Variants in ZNF778 observed in about 807,000 individuals in gnomAD.
The protein encoded by ZNF778 is zinc finger protein 778.
In ZNF778, 37 loss-of-function variants were observed where a neutral mutation model predicts 23.9. The observed-to-expected ratio is 1.54, with a 90% CI of 1.19 to 2.03. ZNF778 has a LOEUF of 2.03. Among genes scored for constraint, ZNF778 ranks in the 30% most tolerant of loss-of-function variants. The probability of loss-of-function intolerance (pLI) is 0.00; values close to 1 mark genes in which losing one functional copy is unlikely to be tolerated. For missense variants in ZNF778, 1,297 were observed against 934.4 expected (o/e 1.39, Z -5.06); for synonymous variants, 483 against 343.9 (o/e 1.40, Z -4.48).
At position 89,226,687 on chromosome 16, in the gene ZNF778, C is replaced by A; in HGVS notation, c.406-7C>A. 6.2e-7 allele frequency: 1 copy of A among 1,602,962 alleles called. No homozygotes were observed. Among genetic ancestry groups the A allele is most frequent in the Non-Finnish European group, 8.5e-7 (1 of 1,173,014 alleles). ...CCCCCTGACCACCACTCATTCTTCA[C>A]CAACAGGCAAGAAGCCACAATGGAG... On this transcript the variant is annotated splice_region_variant and splice_polypyrimidine_tract_variant and intron_variant, in intron 6 of 6. Coordinates refer to ENST00000433976, the MANE Select transcript of ZNF778 (RefSeq NM_001201407.2).
At position 89,228,686 on chromosome 16, in the gene ZNF778, C is replaced by A; in HGVS notation, c.*124C>A. The A allele has an allele frequency of 6.8e-7, 1 of 1,476,736 alleles. No individual in the cohort carries two copies. Among genetic ancestry groups the A allele is most frequent in the African/African-American group, 1.4e-5 (1 of 70,914 alleles). The allele number at this position is 1,476,736 out of a possible 1,614,324, so 91.5% of individuals were successfully genotyped here. The stretch of plus-strand genomic sequence containing the variant: ...AGGCAATCAGCATCTCATCACAACC[C>A]GGCAGGCAGGAACTCACCCTGGAGC... On this transcript the variant is annotated 3_prime_UTR_variant, in exon 7 of 7. Coordinates refer to ENST00000433976, the MANE Select transcript of ZNF778 (RefSeq NM_001201407.2).
chr16:89,233,963 G>C lies in ZNF778; in HGVS notation c.*5401G>C, dbSNP rs1272576334. 1 of 1,270,412 alleles carries C rather than the reference G, an allele frequency of 7.9e-7. No individual in the cohort carries two copies. The highest frequency in any genetic ancestry group is 2.3e-5 in the Admixed American group (1 of 43,532). The allele number at this position is 1,270,412 out of a possible 1,614,324, so 78.7% of individuals were successfully genotyped here. A position where few individuals can be genotyped will look rare whatever the true frequency, so the allele number is the denominator to read the frequency against. ...CCCTTGGGCCTGCTGGAAGTATGCA[G>C]ACTAGCCAGCCCCAGACTTCATCCT... is the stretch of plus-strand genomic sequence containing the variant. On this transcript the variant is annotated 3_prime_UTR_variant, in exon 7 of 7. Transcript: ENST00000433976.
intron 2 of ZNF778, among the ~76,000 whole-genome samples, chr16:89,221,856 C>T (rs1271964150): frequency 7.2e-6 from 1 of 139,168 alleles, no homozygotes; most frequent in Non-Finnish European, 1.6e-5. Flanking sequence ...AAGTGTATGG[C>T]TGTGTGTGTG....
Position 89,227,942 on chromosome 16 carries a change from G to A in ZNF778, c.1654G>A (p.Val552Met). The A allele has an allele frequency of 6.3e-7, 1 of 1,589,934 alleles. No homozygotes were observed. Among genetic ancestry groups the A allele is most frequent in the Non-Finnish European group, 8.6e-7 (1 of 1,165,192 alleles). ...TAGGGTTTATCTACTGAATGAGCATGTGAAAACTCACACAGAGGAGAAGCC... is the reference window on the plus strand; with the variant it reads ...TAGGGTTTATCTACTGAATGAGCATATGAAAACTCACACAGAGGAGAAGCC... The part of the protein sequence containing the change: ...YNRVYLLNEH[V>M]KTHTEEKPFI... Residue 552 changes from valine (V) to methionine (M), a missense_variant, in exon 7 of 7, where the codon GTG (valine) becomes ATG (methionine). Physicochemically the swap from Val to Met is conservative, Grantham distance 21 (BLOSUM62 1). Transcript: ENST00000433976.
Position 89,227,684 on chromosome 16 carries a change from G to A in ZNF778, c.1396G>A (p.Glu466Lys), listed in dbSNP as rs751309288. The stretch of plus-strand genomic sequence containing the variant: ...CTTCTGTACATCCTCGGGCCTTACT[G>A]AGCATGTAAGGACTCACACTGGAGA... ...KAFCTSSGLT[E>K]HVRTHTGEKP... The change falls in exon 7 of 7, where the codon GAG becomes AAG. Residue 466 changes from glutamate (E) to lysine (K), a missense_variant. Transcript: ENST00000433976. 1 of 1,614,160 alleles carries A rather than the reference G, an allele frequency of 6.2e-7. No homozygotes were observed.
intron 4 of ZNF778, 145 bp downstream of exon 4, chr16:89,223,428 G>A (rs148590072): frequency 8.6e-7 from 1 of 1,163,374 alleles, no homozygotes; most frequent in Non-Finnish European, 1.2e-6. Context: ...GTGCTAGTGT[G>A]GTCGTTTCCA....
rs374271148 is a variant in ZNF778, at chr16:89,232,641, T to C, written c.*4079T>C. On this transcript the variant is annotated 3_prime_UTR_variant, in exon 7 of 7. Coordinates refer to ENST00000433976, the MANE Select transcript of ZNF778 (RefSeq NM_001201407.2). ...ATTAAAGGACCAATTGTATTAATTATGTTTTTTTTTTTTTTGTTAGGGTAC... is the reference window on the plus strand; with the variant it reads ...ATTAAAGGACCAATTGTATTAATTACGTTTTTTTTTTTTTTGTTAGGGTAC... 22 of 1,049,756 alleles carry C rather than the reference T, an allele frequency of 2.1e-5. No individual in the cohort carries two copies. Among genetic ancestry groups the C allele is most frequent in the Admixed American group, 6.9e-5 (1 of 14,472 alleles). 65.0% of individuals were successfully genotyped at this position (1,049,756 alleles called of 1,614,324 possible).
Position 89,227,256 on chromosome 16 carries a change from G to C in ZNF778, c.968G>C (p.Ser323Thr), listed in dbSNP as rs761704773. ...ECGKASPVSS[S>T]LTQHVRIHAA... ...GGAAAAGCCTCCCCTGTTTCTTCCA[G>C]CCTAACTCAACATGTAAGAATTCAT... Residue 323 changes from serine (S) to threonine (T), a missense_variant, in exon 7 of 7, where the codon AGC (serine) becomes ACC (threonine). By Grantham distance (58) the Ser-to-Thr change is moderately conservative. Transcript: ENST00000433976. 1.6e-5 allele frequency: 26 copies of C among 1,613,966 alleles called. No individual in the cohort carries two copies. Among genetic ancestry groups the C allele is most frequent in the Non-Finnish European group, 2.2e-5 (26 of 1,179,852 alleles).
chr16:89,223,151 A>G lies in ZNF778; in HGVS notation c.118-6A>G. 2 of 1,612,312 alleles carry G rather than the reference A, an allele frequency of 1.2e-6. No individual in the cohort carries two copies. Among genetic ancestry groups the G allele is most frequent in the Non-Finnish European group, 8.5e-7 (1 of 1,179,522 alleles). On this transcript the variant is annotated splice_region_variant and splice_polypyrimidine_tract_variant and intron_variant, in intron 3 of 6. Transcript: ENST00000433976. ...AAGGCTCCAACCGTCATGTGTGATG[A>G]TTTAGGACGCGGTGACCTTTGACGA... is the stretch of plus-strand genomic sequence containing the variant.
rs1321323308 is a variant in ZNF778 at position 89,232,902 on chromosome 16, G to A, written c.*4340G>A. On this transcript the variant is annotated 3_prime_UTR_variant, in exon 7 of 7. Transcript: ENST00000433976. ...ATGCAACTCAACTCGCACTGCGTAT[G>A]CAACTCAACTCGCACTGCGTATGCG... The A allele has an allele frequency of 7.8e-7, 1 of 1,282,374 alleles. No individual in the cohort carries two copies. 79.4% of individuals were successfully genotyped at this position (1,282,374 alleles called of 1,614,324 possible).
At chr16:89,224,119 G>C (rs2031237156) in intron 4 of ZNF778, among the ~76,000 whole-genome samples, 1 of 151,948 alleles carries the variant, frequency 6.6e-6, no homozygotes, top group Non-Finnish European at 1.5e-5. Context: ...ACTCTGGGAG[G>C]CTGGGTGCAG....
rs2031573439 is a variant in ZNF778 at position 89,227,338 on chromosome 16, AGGTCTTTCTAAACAC to A, written c.1052_1066del (p.Gly351_His355del). The A allele has an allele frequency of 6.2e-7, 1 of 1,613,906 alleles. No homozygotes were observed. Among genetic ancestry groups the A allele is most frequent in the Non-Finnish European group, 8.5e-7 (1 of 1,179,900 alleles). On this transcript the variant is annotated inframe_deletion, in exon 7 of 7. Coordinates refer to ENST00000433976, the MANE Select transcript of ZNF778 (RefSeq NM_001201407.2). ...GCGGAAAAGCCTTCACTGGACTCTC[AGGTCTTTCTAAACAC>A]GTCCAAACAGACCCTGGACAGAAGC... is the stretch of plus-strand genomic sequence containing the variant.
intron 1 of ZNF778, among the ~76,000 whole-genome samples, chr16:89,219,069 T>C (rs2030656994): frequency 6.6e-6 from 1 of 152,014 alleles, no homozygotes; most frequent in Non-Finnish European, 1.5e-5. Flanking sequence ...ATCGTGCCAT[T>C]GCACTCCAGC....
chr16:89,223,453 G>A (rs878969886), intron 4 of ZNF778, among the ~76,000 whole-genome samples, 170 bp downstream of exon 4: 1 of 152,136 alleles, frequency 6.6e-6, no homozygotes, highest in African/African-American at 2.4e-5. Context: ...GTGGTCCTGG[G>A]GTCATGAGCA....
Position 89,228,409 on chromosome 16 carries a change from G to T in ZNF778, c.2121G>T (p.Gly707=), listed in dbSNP as rs1280008927. The T allele has an allele frequency of 1.9e-6, 3 of 1,613,796 alleles. No individual in the cohort carries two copies. In the African/African-American group the frequency reaches 4.0e-5, roughly 22 times the overall value. ...GQKPYKCKEC[G]KAYNRFYLLK... ...AACCCTATAAATGTAAGGAATGTGGGAAAGCATACAATAGGTTTTATCTAC... is the reference window on the plus strand; with the variant it reads ...AACCCTATAAATGTAAGGAATGTGGTAAAGCATACAATAGGTTTTATCTAC... Residue 707 remains glycine (G), a synonymous_variant, in exon 7 of 7, where the codon GGG becomes GGT. Transcript: ENST00000433976.
chr16:89,218,632 A>C (rs1432724098), intron 1 of ZNF778, among the ~76,000 whole-genome samples: 3 of 151,732 alleles, frequency 2.0e-5, no homozygotes, highest in Admixed American at 6.6e-5. Context: ...TCTACTAAAA[A>C]TACAAAAAAT....
At chr16:89,226,127 G>A (rs1278520309) in intron 6 of ZNF778, among the ~76,000 whole-genome samples, 2 of 151,728 alleles carry the variant, frequency 1.3e-5, no homozygotes, top group Admixed American at 1.3e-4. Flanking sequence ...GGCCAGGATG[G>A]TCTCGATCTC....
intron 5 of ZNF778, 125 bp downstream of exon 5, chr16:89,224,927 T>C (rs2031331332): frequency 2.9e-6 from 2 of 679,596 alleles, no homozygotes; most frequent in Admixed American, 2.4e-5. Flanking sequence ...ATCCTGAGTG[T>C]CGAGTTTAGC....
chr16:89,232,899 T>C lies in ZNF778; in HGVS notation c.*4337T>C. 2 of 1,281,388 alleles carry C rather than the reference T, an allele frequency of 1.6e-6. No homozygotes were observed. The highest frequency in any genetic ancestry group is 2.0e-6 in the Non-Finnish European group (2 of 986,002). 79.4% of individuals were successfully genotyped at this position (1,281,388 alleles called of 1,614,324 possible). A position where few individuals can be genotyped will look rare whatever the true frequency, so the allele number is the denominator to read the frequency against. On this transcript the variant is annotated 3_prime_UTR_variant, in exon 7 of 7. Transcript: ENST00000433976. ...CGTATGCAACTCAACTCGCACTGCG[T>C]ATGCAACTCAACTCGCACTGCGTAT...
Sources: gnomAD v4.1 joint callset for allele counts (sites outside exome capture counted in the v4.1 genomes callset) on GRCh38, gnomAD v4.1.1 for gene constraint, MANE v1.5 for transcripts, NCBI Gene and HGNC (gene_info 2026-07-23, HGNC 2026-07-21) for gene names.